The following ATP8A2 variants were observed in gnomAD, a reference collection of about 807,000 sequenced individuals.
The protein encoded by ATP8A2 is ATPase phospholipid transporting 8A2.
In ATP8A2, 100 loss-of-function variants were observed where a neutral mutation model predicts 165.6. That is an observed-to-expected ratio of 0.60 (90% CI 0.51 to 0.71). The LOEUF is 0.71. Among genes scored for constraint, ATP8A2 ranks in the 30% least tolerant of loss-of-function variants. ATP8A2 has a pLI of 0.00. For synonymous variants in ATP8A2, 543 were observed against 548.8 expected, an observed-to-expected ratio of 0.99 and a Z score of 0.15; for missense variants, 1,227 against 1,479.5, an observed-to-expected ratio of 0.83 and a Z score of 2.80.
chr13:25,704,390 G>C (rs2043013558), intron 25 of ATP8A2, among the ~76,000 whole-genome samples: 1 of 150,400 alleles, frequency 6.6e-6, no homozygotes, highest in African/African-American at 2.5e-5. Context: ...CTGGAGTGCA[G>C]TGCCATGAAC....
At chr13:25,464,677 G>A (rs577848838) in intron 1 of ATP8A2, among the ~76,000 whole-genome samples, 4 of 152,256 alleles carry the variant, frequency 2.6e-5, no homozygotes, top group African/African-American at 9.6e-5. Context: ...GGTATTGCAC[G>A]GTATGACCTA....
At chr13:25,892,789 A>G (rs1593515810) in intron 33 of ATP8A2, among the ~76,000 whole-genome samples, 1 of 147,646 alleles carries the variant, frequency 6.8e-6, no homozygotes, top group Admixed American at 6.8e-5. Flanking sequence ...TGTGAAGCAC[A>G]GACTTTTTTT....
At chr13:25,413,535 G>A (rs1356202647) in intron 1 of ATP8A2, among the ~76,000 whole-genome samples, 1 of 152,050 alleles carries the variant, frequency 6.6e-6, no homozygotes, top group African/African-American at 2.4e-5. Context: ...GCCCGCCTTG[G>A]CCTCCCAAAG....
intron 2 of ATP8A2, among the ~76,000 whole-genome samples, chr13:25,492,671 G>C (rs1037129424): frequency 6.6e-6 from 1 of 152,198 alleles, no homozygotes; most frequent in African/African-American, 2.4e-5. Context: ...TGTGTGAAGG[G>C]AAGGGCTTTA....
chr13:25,373,214 G>A (rs577819698), intron 1 of ATP8A2, among the ~76,000 whole-genome samples: 113 of 152,280 alleles, frequency 7.4e-4, no homozygotes, highest in African/African-American at 2.6e-3. Flanking sequence ...GGAAGGTAGA[G>A]GGTGTACAGT....
At chr13:25,583,594 C>G (rs1257850245) in intron 23 of ATP8A2, among the ~76,000 whole-genome samples, 1 of 152,130 alleles carries the variant, frequency 6.6e-6, no homozygotes, top group Non-Finnish European at 1.5e-5. Flanking sequence ...CCCCTGGGAG[C>G]ACACGCAGCC....
At chr13:25,944,671 G>A (rs146389103) in intron 33 of ATP8A2, 130 of 152,046 alleles carry the variant, frequency 8.6e-4, no homozygotes, top group African/African-American at 3.0e-3. Context: ...GTCAGAAACA[G>A]GTCAGGTCAA....
At chr13:25,647,411 T>C (rs2041701178) in intron 24 of ATP8A2, among the ~76,000 whole-genome samples, 1 of 152,230 alleles carries the variant, frequency 6.6e-6, no homozygotes, top group Non-Finnish European at 1.5e-5. Context: ...TCACTTTGAA[T>C]ATATCATCCC....
At position 25,695,757 on chromosome 13, in the gene ATP8A2, C is replaced by T. The variant is rs115451813; in HGVS notation, c.2212-3416C>T. Among the ~76,000 whole-genome samples the T allele has an allele frequency of 8.8e-3, 1,334 of 152,292 alleles. 29 individuals carry two copies. Among genetic ancestry groups the T allele is most frequent in the African/African-American group, 0.03 (1,258 of 41,552 alleles). On this transcript the variant is annotated intron_variant, in intron 24 of 36. Transcript: ENST00000381655. Reference sequence around the variant, plus strand: ...GCTTCACTTCTAATTCTAGTTCTCCCGTTGCTTCTACCACATCTTCAGTTA... The same window carrying T: ...GCTTCACTTCTAATTCTAGTTCTCCTGTTGCTTCTACCACATCTTCAGTTA...
chr13:25,920,062 A>G (rs933704023), intron 33 of ATP8A2, among the ~76,000 whole-genome samples: 1 of 152,196 alleles, frequency 6.6e-6, no homozygotes, highest in Non-Finnish European at 1.5e-5. Flanking sequence ...TGCCAGGACT[A>G]CAGGTGTGAA....
intron 25 of ATP8A2, among the ~76,000 whole-genome samples, chr13:25,728,793 C>T (rs1042703787): frequency 2.0e-5 from 3 of 152,166 alleles, no homozygotes; most frequent in African/African-American, 7.2e-5. Flanking sequence ...TAGACATCTT[C>T]ATTGCATCCT....
At chr13:25,423,530 T>G (rs2034358959) in intron 1 of ATP8A2, among the ~76,000 whole-genome samples, 1 of 152,220 alleles carries the variant, frequency 6.6e-6, no homozygotes, top group East Asian at 1.9e-4. Context: ...TCCATGTGAT[T>G]TTTTTCTAAA....
intron 25 of ATP8A2, among the ~76,000 whole-genome samples, chr13:25,703,425 G>A (rs1405764711): frequency 6.6e-6 from 1 of 152,094 alleles, no homozygotes; most frequent in Non-Finnish European, 1.5e-5. Context: ...AATCTGGAAA[G>A]TACCATATGA....
At chr13:25,450,813 G>C (rs892115877) in intron 1 of ATP8A2, among the ~76,000 whole-genome samples, 3 of 151,960 alleles carry the variant, frequency 2.0e-5, no homozygotes, top group South Asian at 2.1e-4. Flanking sequence ...TTACAGGCTT[G>C]AGCCACCGCG....
intron 1 of ATP8A2, among the ~76,000 whole-genome samples, chr13:25,458,670 G>A (rs758143213): frequency 2.0e-5 from 3 of 152,210 alleles, no homozygotes; most frequent in Admixed American, 6.5e-5. Context: ...AGGAAAGAAA[G>A]CAATGTAATG....
chr13:25,873,789 C>G, intron 33 of ATP8A2: 1 of 161,454 alleles, frequency 6.2e-6, no homozygotes, highest in South Asian at 1.5e-4. Flanking sequence ...CAGGCGCCCA[C>G]CACCACACCT....
At chr13:25,407,269 TTCA>T (rs2033831635) in intron 1 of ATP8A2, among the ~76,000 whole-genome samples, 3 of 152,204 alleles carry the variant, frequency 2.0e-5, no homozygotes, top group Non-Finnish European at 4.4e-5. Context: ...TTCTTAAAGC[TTCA>T]TCATTTGGCT....
rs542716328 is a variant in ATP8A2, at chr13:25,392,115, G to A, written c.76+19827G>A. On this transcript the variant is annotated intron_variant, in intron 1 of 36. Transcript: ENST00000381655. ...AAGCTCTCCGGGGCTGACCTCACAC[G>A]CAGCAATAGATAATGAGCACCACCC... Among the ~76,000 whole-genome samples, 55 of 152,274 alleles carry A rather than the reference G, an allele frequency of 3.6e-4. 1 individual carries two copies. The highest frequency in any genetic ancestry group is 1.7e-3 in the South Asian group (8 of 4,822).
chr13:25,882,221 T>C (rs1381528216), intron 33 of ATP8A2, among the ~76,000 whole-genome samples: 1 of 152,178 alleles, frequency 6.6e-6, no homozygotes, highest in African/African-American at 2.4e-5. Context: ...GGTATTATCA[T>C]TATCGTATTA....
Sources: gnomAD v4.1 joint callset for allele counts (sites outside exome capture counted in the v4.1 genomes callset) on GRCh38, gnomAD v4.1.1 for gene constraint, MANE v1.5 for transcripts, NCBI Gene and HGNC (gene_info 2026-07-23, HGNC 2026-07-21) for gene names.